The following ESRRG variants were observed in gnomAD, a reference collection of about 807,000 sequenced individuals.
The protein encoded by ESRRG is estrogen related receptor gamma.
Under a neutral mutation model 44.0 loss-of-function variants are expected in ESRRG, and 13 were observed. That is an observed-to-expected ratio of 0.30 (90% CI 0.19 to 0.47). The LOEUF is 0.47. ESRRG is among the 20% of genes least tolerant of loss of function. The probability of loss-of-function intolerance (pLI) is 1.00; values close to 1 mark genes in which losing one functional copy is unlikely to be tolerated. For synonymous variants in ESRRG, 215 were observed against 214.6 expected, an observed-to-expected ratio of 1.00 and a Z score of -0.02; for missense variants, 395 against 580.6, an observed-to-expected ratio of 0.68 and a Z score of 3.29.
intron 2 of ESRRG, among the ~76,000 whole-genome samples, chr1:216,755,153 A>C (rs1263176451): frequency 6.6e-6 from 1 of 152,070 alleles, no homozygotes; most frequent in East Asian, 1.9e-4. Flanking sequence ...TCTTTGAATA[A>C]GATATTTTAA....
At chr1:216,752,389 T>C (rs1336955107) in intron 2 of ESRRG, among the ~76,000 whole-genome samples, 1 of 152,106 alleles carries the variant, frequency 6.6e-6, no homozygotes, top group Non-Finnish European at 1.5e-5. Flanking sequence ...GTAGGCACTC[T>C]GCAACAATTC....
intron 3 of ESRRG, among the ~76,000 whole-genome samples, chr1:216,585,816 G>A (rs551445920): frequency 1.6e-4 from 24 of 152,004 alleles, no homozygotes; most frequent in South Asian, 2.1e-4. Flanking sequence ...CGAGGTGGGC[G>A]GATCACGAGG....
chr1:216,563,314 G>A (rs1488751522), intron 5 of ESRRG, among the ~76,000 whole-genome samples: 4 of 152,152 alleles, frequency 2.6e-5, no homozygotes, highest in African/African-American at 9.7e-5. Flanking sequence ...GCTTCACTGC[G>A]ATATCGCCTG....
At chr1:216,912,252 A>G (rs192004233) in intron 2 of ESRRG, among the ~76,000 whole-genome samples, 1,097 of 47,486 alleles carry the variant, frequency 0.023, 51 homozygotes, top group Middle Eastern at 0.048. Context: ...AGAGGAGAGG[A>G]GAGGAGAGGA....
intron 1 of ESRRG, among the ~76,000 whole-genome samples, chr1:216,961,107 A>T (rs1170847402): frequency 6.6e-6 from 1 of 152,198 alleles, no homozygotes; most frequent in Non-Finnish European, 1.5e-5. Context: ...GAGAGTTTAC[A>T]AAAAAGACGT....
chr1:216,582,669 A>T (rs988836850), intron 3 of ESRRG, among the ~76,000 whole-genome samples: 1 of 152,146 alleles, frequency 6.6e-6, no homozygotes, highest in African/African-American at 2.4e-5. Flanking sequence ...TAAGTGGTCA[A>T]TTCTTAAAGC....
upstream of ESRRG, among the ~76,000 whole-genome samples, chr1:217,092,507 T>C (rs551530258): frequency 3.9e-5 from 6 of 152,266 alleles, no homozygotes; most frequent in South Asian, 1.2e-3. Flanking sequence ...CAAATTAAAG[T>C]GTCCTGAGTG....
intron 2 of ESRRG, among the ~76,000 whole-genome samples, chr1:216,798,805 C>T (rs544929156): frequency 2.6e-5 from 4 of 152,010 alleles, no homozygotes; most frequent in African/African-American, 4.8e-5. Context: ...TCTTTACAAG[C>T]GGGATAATAA....
intron 1 of ESRRG, among the ~76,000 whole-genome samples, chr1:217,136,564 C>T (rs993745764): frequency 6.6e-6 from 1 of 152,144 alleles, no homozygotes; most frequent in Non-Finnish European, 1.5e-5. Flanking sequence ...CTAATCACCC[C>T]GCACGCCCTC....
intron 1 of ESRRG, among the ~76,000 whole-genome samples, chr1:217,050,548 C>T (rs1183164809): frequency 6.6e-6 from 1 of 152,080 alleles, no homozygotes; most frequent in African/African-American, 2.4e-5. Flanking sequence ...CACAGAGAGG[C>T]AGGTGACTGG....
At chr1:217,006,584 T>G (rs542399390) in intron 1 of ESRRG, among the ~76,000 whole-genome samples, 5 of 152,222 alleles carry the variant, frequency 3.3e-5, no homozygotes, top group African/African-American at 1.2e-4. Context: ...TTGGATGTTT[T>G]TGAATTTGGA....
intron 3 of ESRRG, among the ~76,000 whole-genome samples, chr1:216,601,556 G>T (rs187078528): frequency 6.9e-4 from 105 of 152,304 alleles, no homozygotes; most frequent in African/African-American, 2.4e-3. Flanking sequence ...GCAAGGGGGT[G>T]CCCTTAATCA....
chr1:216,512,194 T>C (rs1273875522), intron 6 of ESRRG, among the ~76,000 whole-genome samples: 1 of 152,192 alleles, frequency 6.6e-6, no homozygotes, highest in Non-Finnish European at 1.5e-5. Context: ...ACAAACATTA[T>C]GTATCTTGCA....
chr1:216,532,885 G>A (rs932047931), intron 5 of ESRRG, among the ~76,000 whole-genome samples: 6 of 152,166 alleles, frequency 3.9e-5, no homozygotes, highest in African/African-American at 1.4e-4. Context: ...AAATCACAAC[G>A]AGGTTGGGGG....
At chr1:216,699,815 G>A (rs182048280) in intron 1 of ESRRG, among the ~76,000 whole-genome samples, 130 of 152,252 alleles carry the variant, frequency 8.5e-4, no homozygotes, top group African/African-American at 3.0e-3. Context: ...CATAATATTT[G>A]TCTATTAACT....
intron 1 of ESRRG, among the ~76,000 whole-genome samples, chr1:216,683,211 C>T (rs1240003289): frequency 6.6e-6 from 1 of 152,118 alleles, no homozygotes; most frequent in East Asian, 1.9e-4. Context: ...ATCTTAAGGT[C>T]TGCCTGGTTA....
chr1:217,128,449 T>C (rs1419829511), intron 1 of ESRRG, among the ~76,000 whole-genome samples: 2 of 152,238 alleles, frequency 1.3e-5, no homozygotes, highest in African/African-American at 2.4e-5. Context: ...CTGTGGCCTA[T>C]GTGTTAGAAA....
At chr1:216,593,592 G>C (rs2058015707) in intron 3 of ESRRG, among the ~76,000 whole-genome samples, 1 of 152,182 alleles carries the variant, frequency 6.6e-6, no homozygotes, top group African/African-American at 2.4e-5. Flanking sequence ...CAAGTCCACT[G>C]CTCTCTACAC....
chr1:216,859,793 C>G (rs1341958574), intron 2 of ESRRG, among the ~76,000 whole-genome samples: 1 of 152,108 alleles, frequency 6.6e-6, no homozygotes, highest in African/African-American at 2.4e-5. Context: ...CCAGAAAAAG[C>G]TAAGGATATT....
Sources: gnomAD v4.1 joint callset for allele counts (sites outside exome capture counted in the v4.1 genomes callset) on GRCh38, gnomAD v4.1.1 for gene constraint, MANE v1.5 for transcripts, NCBI Gene and HGNC (gene_info 2026-07-23, HGNC 2026-07-21) for gene names.